The following ERC2 variants were observed in gnomAD, a reference collection of about 807,000 sequenced individuals.
ERC2 encodes ERC protein 2.
ERC2 carries 42 observed loss-of-function variants against 114.8 expected under a neutral mutation model. The observed-to-expected ratio is 0.37, with a 90% confidence interval of 0.29 to 0.47. ERC2 has a LOEUF of 0.47. Ranked by LOEUF, ERC2 falls within the 20% of genes least tolerant of loss-of-function variation. ERC2 has a pLI of 0.99. For missense variants in ERC2, 939 were observed against 1,150.7 expected (o/e 0.82, Z 2.66); for synonymous variants, 454 against 425.5 (o/e 1.07, Z -0.82).
At chr3:55,538,799 G>A (rs1190217514) in intron 17 of ERC2, among the ~76,000 whole-genome samples, 1 of 152,170 alleles carries the variant, frequency 6.6e-6, no homozygotes, top group Non-Finnish European at 1.5e-5. Context: ...GCTTAGATGG[G>A]AAGAATTACT....
At chr3:55,869,676 TA>T (rs1203064304) in intron 14 of ERC2, among the ~76,000 whole-genome samples, 3 of 152,110 alleles carry the variant, frequency 2.0e-5, no homozygotes, top group African/African-American at 7.2e-5. Flanking sequence ...CCAGAGCACT[TA>T]CCACCCTGTA....
chr3:55,658,204 T>C (rs991685669), intron 17 of ERC2: 3 of 152,318 alleles, frequency 2.0e-5, no homozygotes, highest in Non-Finnish European at 4.4e-5. Context: ...ATCATTCTTG[T>C]CTACTTTCCT....
chr3:56,282,208 T>A (rs1056888231), intron 3 of ERC2, among the ~76,000 whole-genome samples: 1 of 152,200 alleles, frequency 6.6e-6, no homozygotes, highest in Admixed American at 6.5e-5. Context: ...CCAGGTCTCT[T>A]GCAAAAGTGC....
chr3:55,936,359 G>A (rs933279879), intron 13 of ERC2, among the ~76,000 whole-genome samples: 33 of 135,666 alleles, frequency 2.4e-4, no homozygotes, highest in African/African-American at 7.9e-4. Context: ...TTTTGGATAC[G>A]TAAGATAGTC....
At chr3:55,931,544 T>C (rs1226493216) in intron 13 of ERC2, among the ~76,000 whole-genome samples, 3 of 151,974 alleles carry the variant, frequency 2.0e-5, no homozygotes, top group East Asian at 1.9e-4. Flanking sequence ...TAAATGCAAA[T>C]TGAACAATGA....
intron 2 of ERC2, among the ~76,000 whole-genome samples, chr3:56,354,612 C>T (rs574079608): frequency 6.6e-6 from 1 of 152,288 alleles, no homozygotes; most frequent in South Asian, 2.1e-4. Context: ...TTCTCTCATA[C>T]ATATTTGTCC....
At chr3:56,302,409 G>C (rs1324797970) in intron 2 of ERC2, among the ~76,000 whole-genome samples, 1 of 152,182 alleles carries the variant, frequency 6.6e-6, no homozygotes, top group Non-Finnish European at 1.5e-5. Flanking sequence ...CACATGGAAT[G>C]ATCCAAGGAC....
intron 14 of ERC2, among the ~76,000 whole-genome samples, chr3:55,877,546 C>CT: frequency 6.9e-6 from 1 of 145,200 alleles, no homozygotes. Flanking sequence ...GGGTCTCACT[C>CT]TGTCACTCAG....
intron 6 of ERC2, among the ~76,000 whole-genome samples, chr3:56,124,115 G>T (rs779516307): frequency 6.6e-6 from 1 of 152,200 alleles, no homozygotes; most frequent in African/African-American, 2.4e-5. Context: ...TTTGGCACCT[G>T]TAAGTGTTTA....
rs78052689 is a variant in ERC2, at chr3:55,979,606, G to T, written c.2267+6371C>A. Among the ~76,000 whole-genome samples, 813 of 152,258 alleles carry T rather than the reference G, an allele frequency of 5.3e-3. 4 individuals are homozygous for T. The highest frequency in any genetic ancestry group is 0.019 in the African/African-American group (777 of 41,534). On this transcript the variant is annotated intron_variant, in intron 12 of 17. Coordinates refer to ENST00000288221, the MANE Select transcript of ERC2 (RefSeq NM_015576.3). ...TGTACATACAGCTCCGTATATGCCAGTAAGAGAGGTACTTATATTAACATG... is the reference window on the plus strand; with the variant it reads ...TGTACATACAGCTCCGTATATGCCATTAAGAGAGGTACTTATATTAACATG...
intron 17 of ERC2, among the ~76,000 whole-genome samples, chr3:55,535,030 G>C (rs1220788802): frequency 6.6e-6 from 1 of 152,186 alleles, no homozygotes; most frequent in Non-Finnish European, 1.5e-5. Flanking sequence ...TCAACCATCA[G>C]TCACTGTGGC....
At chr3:56,207,099 C>T (rs1357547114) in intron 3 of ERC2, among the ~76,000 whole-genome samples, 1 of 152,028 alleles carries the variant, frequency 6.6e-6, no homozygotes, top group Non-Finnish European at 1.5e-5. Flanking sequence ...GCGGCTCTCA[C>T]TGTTATTTTA....
At chr3:56,310,265 G>A (rs936962312) in intron 2 of ERC2, among the ~76,000 whole-genome samples, 3 of 152,148 alleles carry the variant, frequency 2.0e-5, no homozygotes, top group East Asian at 1.9e-4. Flanking sequence ...TACCCCAAAC[G>A]TGTAATGATA....
intron 14 of ERC2, among the ~76,000 whole-genome samples, chr3:55,796,546 C>A (rs1296298468): frequency 6.6e-6 from 1 of 152,210 alleles, no homozygotes. Flanking sequence ...CTGCCTCAGC[C>A]TCCCAAGTAG....
chr3:55,864,530 T>C (rs2062207192), intron 14 of ERC2, among the ~76,000 whole-genome samples: 1 of 152,138 alleles, frequency 6.6e-6, no homozygotes, highest in South Asian at 2.1e-4. Flanking sequence ...AGCAATTCAT[T>C]AACTATTAAC....
intron 17 of ERC2, among the ~76,000 whole-genome samples, chr3:55,617,244 C>T (rs997761838): frequency 2.0e-5 from 3 of 152,190 alleles, no homozygotes; most frequent in African/African-American, 7.2e-5. Context: ...TTCCAGTGCG[C>T]CTCTACCTTA....
intron 17 of ERC2, among the ~76,000 whole-genome samples, chr3:55,670,158 T>G (rs909148204): frequency 6.6e-6 from 1 of 152,178 alleles, no homozygotes; most frequent in Non-Finnish European, 1.5e-5. Context: ...CATTGGAAAT[T>G]CAGAGAGATT....
chr3:55,857,024 G>A (rs1316328834), intron 14 of ERC2, among the ~76,000 whole-genome samples: 1 of 151,692 alleles, frequency 6.6e-6, no homozygotes, highest in Non-Finnish European at 1.5e-5. Flanking sequence ...AGGGGTAATA[G>A]ACAGTAATTG....
chr3:56,145,636 G>A (rs1439838905), intron 5 of ERC2, among the ~76,000 whole-genome samples: 1 of 152,128 alleles, frequency 6.6e-6, no homozygotes, highest in Admixed American at 6.5e-5. Context: ...ATGTGCCAAA[G>A]GACTTGCAAG....
Sources: gnomAD v4.1 joint callset for allele counts (sites outside exome capture counted in the v4.1 genomes callset) on GRCh38, gnomAD v4.1.1 for gene constraint, MANE v1.5 for transcripts, NCBI Gene and HGNC (gene_info 2026-07-23, HGNC 2026-07-21) for gene names.